The following SEPTIN6 variants were observed in gnomAD, a reference collection of about 807,000 sequenced individuals.
The protein encoded by SEPTIN6 is septin 6, also known as septin-6.
A neutral mutation model predicts 33.6 loss-of-function variants in SEPTIN6; 8 were observed. That is an observed-to-expected ratio of 0.24 (90% CI 0.14 to 0.43). The LOEUF (loss-of-function observed/expected upper bound fraction) is 0.43. SEPTIN6 is among the 20% of genes least tolerant of loss of function. The probability of loss-of-function intolerance (pLI) is 1.00; values close to 1 mark genes in which losing one functional copy is unlikely to be tolerated. For synonymous variants in SEPTIN6, 131 were observed against 140.0 expected, an observed-to-expected ratio of 0.94 and a Z score of 0.45; for missense variants, 250 against 340.8, an observed-to-expected ratio of 0.73 and a Z score of 2.10.
rs930183503 is a variant in SEPTIN6, at chrX:119,652,839, C to G, written c.528+15G>C. 5.8e-6 allele frequency: 7 copies of G among 1,202,527 alleles called. No homozygotes were observed. Among genetic ancestry groups the G allele is most frequent in the Non-Finnish European group, 7.9e-6 (7 of 888,803 alleles). ...AAGAGTGAGCCCCCAGCGCCCCCGC[C>G]CCTGCCTCCTATACCTTACTGTCCA... On this transcript the variant is annotated intron_variant, in intron 4 of 10. Transcript: ENST00000394610.
At chrX:119,677,317 G>T (rs979029933) in intron 1 of SEPTIN6, among the ~76,000 whole-genome samples, 5 of 112,308 alleles carry the variant, frequency 4.5e-5, no homozygotes, top group Admixed American at 9.5e-5. Context: ...GGATTCCAAG[G>T]AGCCAGGGGG....
chrX:119,670,938 C>CAA (rs369704386), intron 2 of SEPTIN6, among the ~76,000 whole-genome samples: 201 of 85,030 alleles, frequency 2.4e-3, no homozygotes, highest in Non-Finnish European at 3.8e-3. Flanking sequence ...AACTCCATCT[C>CAA]AAAAAAAAAA....
chrX:119,628,216 G>A (rs190827576), intron 9 of SEPTIN6, among the ~76,000 whole-genome samples: 172 of 108,263 alleles, frequency 1.6e-3, no homozygotes, highest in African/African-American at 5.3e-3. Context: ...TACACCTCCC[G>A]GGTTCAAGTG....
Position 119,675,633 on chromosome X carries a change from A to G in SEPTIN6, c.66T>C (p.His22=). Residue 22 remains histidine, a synonymous_variant, in exon 2 of 11, where the codon CAT becomes CAC. Transcript: ENST00000394610. ...GGTCAGGCAAGCTGTCAAACCCCAC[A>G]TGTCCAGCCAGGGGGACAGTTCGGC... The part of the protein sequence containing the change: ...EGCRTVPLAG[H]VGFDSLPDQL... The G allele has an allele frequency of 8.7e-7, 1 of 1,154,507 alleles. No individual in the cohort carries two copies. The highest frequency in any genetic ancestry group is 2.5e-5 in the Admixed American group (1 of 40,243).
chrX:119,644,360 C>T (rs928954692), intron 5 of SEPTIN6, among the ~76,000 whole-genome samples: 5 of 110,363 alleles, frequency 4.5e-5, no homozygotes, highest in African/African-American at 1.7e-4. Flanking sequence ...TGTCTTGCTA[C>T]AGTAAACTAC....
At chrX:119,672,811 A>T (rs1156580421) in intron 2 of SEPTIN6, among the ~76,000 whole-genome samples, 1 of 112,220 alleles carries the variant, frequency 8.9e-6, no homozygotes, top group African/African-American at 3.2e-5. Flanking sequence ...TTTTTCTCCA[A>T]ATAGCACCTA....
chrX:119,673,332 A>G (rs777740818), intron 2 of SEPTIN6, among the ~76,000 whole-genome samples: 44 of 111,100 alleles, frequency 4.0e-4, no homozygotes, highest in Non-Finnish European at 7.4e-4. Flanking sequence ...AGCCTGGGTG[A>G]CACAGGGACA....
chrX:119,673,745 G>C (rs2147618156), intron 2 of SEPTIN6, among the ~76,000 whole-genome samples: 1 of 105,958 alleles, frequency 9.4e-6, no homozygotes, highest in South Asian at 4.2e-4. Flanking sequence ...AGGAGGCTGA[G>C]GCAGGAGAAT....
At chrX:119,660,806 G>GA in intron 3 of SEPTIN6, among the ~76,000 whole-genome samples, 1 of 96,535 alleles carries the variant, frequency 1.0e-5, no homozygotes, top group Middle Eastern at 5.0e-3. Context: ...AGGCGGGGGT[G>GA]AGCGGGGGGG....
At chrX:119,620,220 C>G in intron 10 of SEPTIN6, among the ~76,000 whole-genome samples, 169 bp from the exon 11 acceptor site, 1 of 110,922 alleles carries the variant, frequency 9.0e-6, no homozygotes, top group African/African-American at 3.3e-5. Context: ...CATGCTTTCT[C>G]TCTCATACAC....
intron 10 of SEPTIN6, among the ~76,000 whole-genome samples, chrX:119,625,121 C>T (rs1393553926): frequency 8.9e-6 from 1 of 112,044 alleles, no homozygotes; most frequent in Non-Finnish European, 1.9e-5. Context: ...CTGAAAACGA[C>T]CCCTCACTTT....
intron 3 of SEPTIN6, among the ~76,000 whole-genome samples, chrX:119,661,426 G>A (rs1001835926): frequency 2.3e-4 from 25 of 109,933 alleles, no homozygotes; most frequent in Non-Finnish European, 3.8e-4. Flanking sequence ...GCGAGACTCC[G>A]TCTCAAAAAA....
At chrX:119,625,492 G>A (rs1240765368) in intron 9 of SEPTIN6, 113 bp from the exon 10 acceptor site, 4 of 687,749 alleles carry the variant, frequency 5.8e-6, no homozygotes, top group Admixed American at 2.5e-5. Flanking sequence ...GGAGTAGCAG[G>A]AAGGGGAAGT....
At chrX:119,688,663 C>T (rs1443359904) in intron 1 of SEPTIN6, among the ~76,000 whole-genome samples, 1 of 103,723 alleles carries the variant, frequency 9.6e-6, no homozygotes, top group Non-Finnish European at 2.0e-5. Context: ...GCTGAGATCG[C>T]GCCACTGCAT....
chrX:119,636,628 G>A (rs1172139094), intron 7 of SEPTIN6, among the ~76,000 whole-genome samples: 1 of 111,562 alleles, frequency 9.0e-6, no homozygotes, highest in Non-Finnish European at 1.9e-5. Flanking sequence ...GGAGCCTGAT[G>A]AAGAAAGAGG....
chrX:119,688,173 C>T (rs932434191), intron 1 of SEPTIN6, among the ~76,000 whole-genome samples: 1 of 111,858 alleles, frequency 8.9e-6, no homozygotes, highest in South Asian at 3.7e-4. Flanking sequence ...ATCTCACCCA[C>T]CTTCACACCT....
chrX:119,624,608 G>A (rs2147447607), intron 10 of SEPTIN6, among the ~76,000 whole-genome samples: 1 of 111,881 alleles, frequency 8.9e-6, no homozygotes, highest in African/African-American at 3.2e-5. Flanking sequence ...GATGCAGGGG[G>A]ATGGGAGAGG....
At chrX:119,671,438 C>A (rs1226821291) in intron 2 of SEPTIN6, among the ~76,000 whole-genome samples, 1 of 109,205 alleles carries the variant, frequency 9.2e-6, no homozygotes, top group African/African-American at 3.3e-5. Flanking sequence ...CAGGCGCCCG[C>A]CACCACGCCT....
chrX:119,656,462 C>A (rs2054443221), intron 3 of SEPTIN6, among the ~76,000 whole-genome samples: 1 of 112,085 alleles, frequency 8.9e-6, no homozygotes, highest in African/African-American at 3.2e-5. Flanking sequence ...GAGGCAGAAA[C>A]CAGTCTGACA....
Sources: gnomAD v4.1 joint callset for allele counts (sites outside exome capture counted in the v4.1 genomes callset) on GRCh38, gnomAD v4.1.1 for gene constraint, MANE v1.5 for transcripts, NCBI Gene and HGNC (gene_info 2026-07-23, HGNC 2026-07-21) for gene names.